NRG3: variants seen among roughly 807,000 people sequenced by gnomAD.
NRG3 encodes the protein pro-neuregulin-3, membrane-bound isoform.
In NRG3, 31 loss-of-function variants were observed where a neutral mutation model predicts 66.9. That is an observed-to-expected ratio of 0.46 (90% confidence interval 0.35 to 0.63). NRG3 has a LOEUF of 0.63. Ranked by LOEUF, NRG3 falls within the 20% of genes least tolerant of loss-of-function variation. The pLI is 0.00. For missense variants in NRG3, 910 were observed against 878.9 expected (o/e 1.04, Z -0.45); for synonymous variants, 393 against 359.4 (o/e 1.09, Z -1.06).
chr10:82,875,526 T>G (rs1245271406), intron 4 of NRG3, among the ~76,000 whole-genome samples: 1 of 152,082 alleles, frequency 6.6e-6, no homozygotes, highest in Non-Finnish European at 1.5e-5. Flanking sequence ...TGCAGCTAAT[T>G]TTTTATTTTT....
At chr10:82,803,998 G>T (rs906837196) in intron 3 of NRG3, among the ~76,000 whole-genome samples, 30 of 152,228 alleles carry the variant, frequency 2.0e-4, no homozygotes, top group African/African-American at 7.0e-4. Context: ...ATTATGCTTT[G>T]TCCCTTTGTC....
chr10:82,476,283 T>A (rs1476421142), intron 2 of NRG3, among the ~76,000 whole-genome samples: 5 of 152,222 alleles, frequency 3.3e-5, no homozygotes, highest in Non-Finnish European at 7.3e-5. Context: ...GCAGCCACTG[T>A]GGAATAGTAT....
At chr10:82,082,271 G>A (rs1473047996) in intron 1 of NRG3, among the ~76,000 whole-genome samples, 1 of 152,186 alleles carries the variant, frequency 6.6e-6, no homozygotes, top group Non-Finnish European at 1.5e-5. Flanking sequence ...CTTTAAAAAT[G>A]TTTGAGCATA....
intron 2 of NRG3, among the ~76,000 whole-genome samples, chr10:82,497,445 G>A (rs1234229991): frequency 1.3e-5 from 2 of 151,954 alleles, no homozygotes; most frequent in East Asian, 1.9e-4. Context: ...TAGATTTCAC[G>A]TATAAGTAAG....
intron 1 of NRG3, among the ~76,000 whole-genome samples, chr10:82,077,805 G>A: frequency 6.6e-6 from 1 of 152,190 alleles, no homozygotes; most frequent in Non-Finnish European, 1.5e-5. Context: ...TATGTATTTA[G>A]AATGAAATTA....
In NRG3 at chr10:81,875,278, C is replaced by A; in HGVS notation, c.-63C>A. ...GCCCGCGCCCGCGCCCGCGCCCGGC[C>A]CGCGCGGCCCCATGCCTCTGCCGCG... On this transcript the variant is annotated 5_prime_UTR_variant, in exon 1 of 9. Transcript: ENST00000372141. The surrounding 1 kb of genome is among the most constrained non-coding windows in gnomAD (Gnocchi z 5.3). The A allele has an allele frequency of 1.0e-6, 1 of 973,010 alleles. No individual in the cohort carries two copies. 60.3% of individuals were successfully genotyped at this position (973,010 alleles called of 1,614,324 possible).
chr10:82,817,044 G>T (rs2061740707), intron 3 of NRG3, among the ~76,000 whole-genome samples: 1 of 152,210 alleles, frequency 6.6e-6, no homozygotes, highest in Non-Finnish European at 1.5e-5. Flanking sequence ...AATTGTATCA[G>T]TTTTGGTTTT....
intron 1 of NRG3, among the ~76,000 whole-genome samples, chr10:81,896,831 T>C (rs1360390736): frequency 6.6e-6 from 1 of 152,184 alleles, no homozygotes; most frequent in African/African-American, 2.4e-5. Flanking sequence ...CTTAAGCACC[T>C]ACTACTTGCC....
chr10:82,008,782 G>C (rs190861569), intron 1 of NRG3, among the ~76,000 whole-genome samples: 3 of 152,240 alleles, frequency 2.0e-5, no homozygotes, highest in Admixed American at 6.5e-5. Flanking sequence ...GATTTTATTG[G>C]ACCCACTAAC....
chr10:82,061,190 A>G (rs769396188), intron 1 of NRG3, among the ~76,000 whole-genome samples: 31 of 152,182 alleles, frequency 2.0e-4, no homozygotes, highest in Middle Eastern at 3.4e-3. Flanking sequence ...GTCTCTACTA[A>G]AAGTACAAAA....
At chr10:81,990,370 A>G (rs891610767) in intron 1 of NRG3, among the ~76,000 whole-genome samples, 1 of 152,116 alleles carries the variant, frequency 6.6e-6, no homozygotes, top group Non-Finnish European at 1.5e-5. Flanking sequence ...CCAAGGGAAT[A>G]TTTTTATGGT....
chr10:82,369,298 T>C (rs1300926432), intron 2 of NRG3, among the ~76,000 whole-genome samples: 2 of 138,340 alleles, frequency 1.4e-5, no homozygotes, highest in Non-Finnish European at 3.0e-5. Flanking sequence ...TCTGGCTTTA[T>C]GTACTCTACT....
intron 2 of NRG3, among the ~76,000 whole-genome samples, chr10:82,694,588 T>C (rs2055222262): frequency 6.6e-6 from 1 of 152,130 alleles, no homozygotes; most frequent in Admixed American, 6.6e-5. Flanking sequence ...ACCCTGTCTC[T>C]ACTAAAAATT....
At chr10:82,130,231 A>G (rs1017782041) in intron 1 of NRG3, among the ~76,000 whole-genome samples, 6 of 151,292 alleles carry the variant, frequency 4.0e-5, no homozygotes, top group African/African-American at 1.5e-4. Flanking sequence ...ATATATATAT[A>G]TTTTTATTAT....
intron 2 of NRG3, among the ~76,000 whole-genome samples, chr10:82,610,575 T>C (rs928579539): frequency 6.6e-6 from 1 of 152,204 alleles, no homozygotes; most frequent in Non-Finnish European, 1.5e-5. Flanking sequence ...ACTGGGATGC[T>C]CTTGGCTAAG....
chr10:82,676,750 T>C (rs931202108), intron 2 of NRG3, among the ~76,000 whole-genome samples: 7 of 152,136 alleles, frequency 4.6e-5, no homozygotes, highest in African/African-American at 1.4e-4. Context: ...CCCAAAGTGC[T>C]GGATTACAGG....
chr10:82,525,400 G>T (rs1358554003), intron 2 of NRG3, among the ~76,000 whole-genome samples: 3 of 151,526 alleles, frequency 2.0e-5, no homozygotes, highest in Non-Finnish European at 4.4e-5. Flanking sequence ...ACGTTGAGGG[G>T]GTATCCCAAA....
intron 6 of NRG3, among the ~76,000 whole-genome samples, chr10:82,960,643 C>G (rs1770454257): frequency 6.6e-6 from 1 of 152,060 alleles, no homozygotes; most frequent in Non-Finnish European, 1.5e-5. Flanking sequence ...CATTCCACCA[C>G]AAATGAAGTG....
intron 1 of NRG3, among the ~76,000 whole-genome samples, chr10:81,926,813 CCTGA>C (rs1266429047): frequency 6.6e-6 from 1 of 152,074 alleles, no homozygotes; most frequent in Non-Finnish European, 1.5e-5. Context: ...GTAGATGTAC[CCTGA>C]CTGCCACTTA....
Sources: gnomAD v4.1 joint callset for allele counts (sites outside exome capture counted in the v4.1 genomes callset) on GRCh38, gnomAD v4.1.1 for gene constraint, Gnocchi (gnomAD v3.1) non-coding constraint, MANE v1.5 for transcripts, NCBI Gene and HGNC (gene_info 2026-07-23, HGNC 2026-07-21) for gene names.